The following PEX14 variants were observed in gnomAD, a reference collection of about 807,000 sequenced individuals.
The protein encoded by PEX14 is peroxisomal biogenesis factor 14.
In PEX14, 15 loss-of-function variants were observed where a neutral mutation model predicts 49.5. That is an observed-to-expected ratio of 0.30 (90% CI 0.20 to 0.47). PEX14 has a LOEUF of 0.47. Among genes scored for constraint, PEX14 ranks in the 20% least tolerant of loss-of-function variants. The pLI is 1.00. For missense variants in PEX14, 398 were observed against 494.8 expected, an observed-to-expected ratio of 0.80 and a Z score of 1.86; for synonymous variants, 210 against 212.7, an observed-to-expected ratio of 0.99 and a Z score of 0.11.
At chr1:10,578,104 G>A (rs775499518) in intron 3 of PEX14, among the ~76,000 whole-genome samples, 3 of 152,062 alleles carry the variant, frequency 2.0e-5, no homozygotes, top group Non-Finnish European at 2.9e-5. Flanking sequence ...AATTGAAGAT[G>A]GCAATCATAG....
chr1:10,495,153 C>G lies in PEX14; in HGVS notation c.37-121C>G, dbSNP rs1641536038. The G allele has an allele frequency of 7.0e-6, 11 of 1,568,126 alleles. No individual in the cohort carries two copies. The African/African-American group carries it at 8.1e-5, about 11-fold the overall frequency. On this transcript the variant is annotated intron_variant, in intron 1 of 8. Transcript: ENST00000356607. This position sits in a 1 kb window ranked among gnomAD's most constrained non-coding sequence, Gnocchi z 4.2. ...CAAAATACTCTTGTGTCGTGAAAAACCAGTGAGAGATGTGAGAAAGAGGTG... is the reference window on the plus strand; with the variant it reads ...CAAAATACTCTTGTGTCGTGAAAAAGCAGTGAGAGATGTGAGAAAGAGGTG...
chr1:10,532,106 A>C (rs1638666817), intron 2 of PEX14, among the ~76,000 whole-genome samples: 1 of 152,144 alleles, frequency 6.6e-6, no homozygotes, highest in Non-Finnish European at 1.5e-5. Context: ...CTGCTCTCTC[A>C]AATACAAATC....
At chr1:10,583,514 G>A (rs543521312) in intron 3 of PEX14, among the ~76,000 whole-genome samples, 16 of 151,500 alleles carry the variant, frequency 1.1e-4, no homozygotes, top group South Asian at 4.2e-4. Flanking sequence ...TAGCTACCAC[G>A]CCTGGCTTTT....
chr1:10,599,171 A>G (rs887595040), intron 3 of PEX14, 67 bp from the exon 4 acceptor site: 3 of 1,541,800 alleles, frequency 1.9e-6, no homozygotes, highest in East Asian at 4.5e-5. Context: ...TGCTCAGTGA[A>G]GATTCTGTTG....
At chr1:10,617,309 C>T (rs1243015848) in intron 4 of PEX14, among the ~76,000 whole-genome samples, 1 of 151,996 alleles carries the variant, frequency 6.6e-6, no homozygotes, top group Admixed American at 6.5e-5. Flanking sequence ...GCTCTTCTGC[C>T]TCTGCGGCCC....
Position 10,514,156 on chromosome 1 carries a change from C to CTCTGTGTGTGTG in PEX14, c.84+18836_84+18837insCTGTGTGTGTGT, listed in dbSNP as rs1186210942. 1.4e-5 allele frequency among the ~76,000 whole-genome samples: 2 copies of CTCTGTGTGTGTG among 143,176 alleles called. No individual in the cohort carries two copies. The highest frequency in any genetic ancestry group is 5.1e-5 in the African/African-American group (2 of 39,328). 93.9% of individuals were successfully genotyped at this position (143,176 alleles called of 152,430 possible). A position where few individuals can be genotyped will look rare whatever the true frequency, so the allele number is the denominator to read the frequency against. Reference sequence around the variant, plus strand: ...AAAATGTATAAAATAATCTATGCCTCTGTGTGTGTGTGTGTGTGTGTGTGT... The same window carrying CTCTGTGTGTGTG: ...AAAATGTATAAAATAATCTATGCCTCTCTGTGTGTGTGTGTGTGTGTGTGTGTGTGTGTGTGT... On this transcript the variant is annotated intron_variant, in intron 2 of 8. Coordinates refer to ENST00000356607, the MANE Select transcript of PEX14 (RefSeq NM_004565.3). This position sits in a 1 kb window ranked among gnomAD's most constrained non-coding sequence, Gnocchi z 4.4.
rs1570231327 is a variant in PEX14 at position 10,537,386 on chromosome 1, G to A, written c.169+1089G>A. ...TTAGGAGATTATTAAAATTTGGAGT[G>A]TGTTGGCTGGCCTCGCCACTCCGCA... On this transcript the variant is annotated intron_variant, in intron 3 of 8. Coordinates refer to ENST00000356607, the MANE Select transcript of PEX14 (RefSeq NM_004565.3). Among the ~76,000 whole-genome samples the A allele has an allele frequency of 2.4e-5, 3 of 127,220 alleles. No homozygotes were observed. The South Asian group carries it at 7.6e-4, about 32-fold the overall frequency. 83.5% of individuals were successfully genotyped at this position (127,220 alleles called of 152,430 possible). A position where few individuals can be genotyped will look rare whatever the true frequency, so the allele number is the denominator to read the frequency against.
At chr1:10,491,173 G>A (rs756256883) in intron 1 of PEX14, among the ~76,000 whole-genome samples, 3 of 151,534 alleles carry the variant, frequency 2.0e-5, no homozygotes, top group Non-Finnish European at 4.4e-5. Context: ...GGCCTGCTTC[G>A]ATTGTTTAAA....
rs1172026957 is a variant in PEX14, at chr1:10,539,866, A to C, written c.169+3569A>C. Among the ~76,000 whole-genome samples the C allele has an allele frequency of 2.6e-5, 2 of 78,066 alleles. No homozygotes were observed. Among genetic ancestry groups the C allele is most frequent in the African/African-American group, 4.8e-5 (1 of 20,642 alleles). The allele number at this position is 78,066 out of a possible 152,430, so 51.2% of individuals were successfully genotyped here. ...GCTTGTGAGGGGGGTGAGGTGGGGGAGGGGGATAGAGTTGTCTGTTAACTT... is the reference window on the plus strand; with the variant it reads ...GCTTGTGAGGGGGGTGAGGTGGGGGCGGGGGATAGAGTTGTCTGTTAACTT... On this transcript the variant is annotated intron_variant, in intron 3 of 8. Coordinates refer to ENST00000356607, the MANE Select transcript of PEX14 (RefSeq NM_004565.3). The surrounding 1 kb of genome is among the most constrained non-coding windows in gnomAD (Gnocchi z 4.6).
intron 1 of PEX14, among the ~76,000 whole-genome samples, chr1:10,491,337 G>A (rs114689674): frequency 7.2e-5 from 11 of 152,106 alleles, no homozygotes; most frequent in African/African-American, 2.7e-4. Context: ...GGAATTTGGA[G>A]TGTTGCTGTT....
chr1:10,489,407 TATC>T (rs1453575956), intron 1 of PEX14, among the ~76,000 whole-genome samples: 2 of 152,254 alleles, frequency 1.3e-5, no homozygotes, highest in Non-Finnish European at 2.9e-5. Context: ...GGTTTACTGT[TATC>T]ATTTTGAGTC....
chr1:10,487,764 T>C (rs767834092), intron 1 of PEX14, among the ~76,000 whole-genome samples: 4 of 152,080 alleles, frequency 2.6e-5, no homozygotes, highest in Non-Finnish European at 5.9e-5. Context: ...ATTATAGGCA[T>C]GAGCCACTGT....
At chr1:10,595,710 C>T (rs1022464892) in intron 3 of PEX14, among the ~76,000 whole-genome samples, 1 of 152,216 alleles carries the variant, frequency 6.6e-6, no homozygotes, top group Admixed American at 6.5e-5. Flanking sequence ...TCTGCCTGCT[C>T]AGCCATTGCT....
chr1:10,558,313 G>A (rs868347692), intron 3 of PEX14, among the ~76,000 whole-genome samples: 1 of 151,992 alleles, frequency 6.6e-6, no homozygotes, highest in Non-Finnish European at 1.5e-5. Flanking sequence ...CGGCCTGCTT[G>A]TATATTTCTT....
chr1:10,565,102 C>T (rs1639764338), intron 3 of PEX14, among the ~76,000 whole-genome samples: 1 of 152,106 alleles, frequency 6.6e-6, no homozygotes, highest in South Asian at 2.1e-4. Flanking sequence ...CGAGGTTTCA[C>T]CACATTGGCC....
intron 3 of PEX14, among the ~76,000 whole-genome samples, chr1:10,561,577 C>G (rs186796486): frequency 6.6e-6 from 1 of 152,272 alleles, no homozygotes; most frequent in Admixed American, 6.5e-5. Context: ...ATTGGTGATG[C>G]TAATTTGATT....
chr1:10,577,790 A>G (rs1466810636), intron 3 of PEX14, among the ~76,000 whole-genome samples: 1 of 149,166 alleles, frequency 6.7e-6, no homozygotes, highest in East Asian at 2.1e-4. Flanking sequence ...TTTTTAGTAG[A>G]GACGGTTTCA....
intron 2 of PEX14, among the ~76,000 whole-genome samples, chr1:10,517,460 G>C (rs190481049): frequency 6.6e-6 from 1 of 151,982 alleles, no homozygotes; most frequent in Non-Finnish European, 1.5e-5. Context: ...AAGGAGCCTG[G>C]CTTGAGAGGC....
rs1012725813 is a variant in PEX14 at position 10,599,430 on chromosome 1, A to G, written c.298+64A>G. ...GGATTCAGGACTCTGGCCAAAGGGC[A>G]GTGTTCTGTATCTCCCAGACTTAGC... On this transcript the variant is annotated intron_variant, in intron 4 of 8. Transcript: ENST00000356607. 7.6e-6 allele frequency: 12 copies of G among 1,577,810 alleles called. No individual in the cohort carries two copies. In the African/African-American group the frequency reaches 1.2e-4, roughly 16 times the overall value.
Sources: gnomAD v4.1 joint callset for allele counts (sites outside exome capture counted in the v4.1 genomes callset) on GRCh38, gnomAD v4.1.1 for gene constraint, Gnocchi (gnomAD v3.1) non-coding constraint, MANE v1.5 for transcripts, NCBI Gene and HGNC (gene_info 2026-07-23, HGNC 2026-07-21) for gene names.